The following CATSPERE variants were observed in gnomAD, a reference collection of about 807,000 sequenced individuals.
CATSPERE encodes catsper channel auxiliary subunit epsilon.
In CATSPERE, 93 loss-of-function variants were observed where a neutral mutation model predicts 114.1. The ratio of observed to expected loss-of-function variants is 0.81; its 90% CI spans 0.69 to 0.97. The LOEUF is 0.97. Among genes scored for constraint, CATSPERE ranks in the 50% least tolerant of loss-of-function variants. The pLI, the probability that CATSPERE is intolerant of heterozygous loss-of-function variation, is 0.00. For synonymous variants in CATSPERE, 341 were observed against 384.1 expected (o/e 0.89, Z 1.31); for missense variants, 1,058 against 1,131.6 (o/e 0.93, Z 0.93).
At position 244,640,156 on chromosome 1, in the gene CATSPERE, T is replaced by C. The variant is rs1412700132; in HGVS notation, c.*75T>C. ...GTATTACATAGTGATATTGAGAGTG[T>C]GTGTTTGACCAAGAAATACTAAATA... is the stretch of plus-strand genomic sequence containing the variant. On this transcript the variant is annotated 3_prime_UTR_variant, in exon 22 of 22. Coordinates refer to ENST00000366534, the MANE Select transcript of CATSPERE (RefSeq NM_001130957.2). The C allele has an allele frequency of 8.4e-7, 1 of 1,196,894 alleles. No individual in the cohort carries two copies. The highest frequency in any genetic ancestry group is 1.2e-6 in the Non-Finnish European group (1 of 865,356). The allele number at this position is 1,196,894 out of a possible 1,614,324, so 74.1% of individuals were successfully genotyped here. A position where few individuals can be genotyped will look rare whatever the true frequency, so the allele number is the denominator to read the frequency against.
intron 2 of CATSPERE, among the ~76,000 whole-genome samples, chr1:244,477,248 G>A (rs1201313402): frequency 1.3e-5 from 2 of 152,096 alleles, no homozygotes; most frequent in East Asian, 1.9e-4. Context: ...CACCTGCGTC[G>A]GCCTCCCAAA....
intron 6 of CATSPERE, among the ~76,000 whole-genome samples, chr1:244,491,674 C>A (rs1453874204): frequency 6.6e-6 from 1 of 151,744 alleles, no homozygotes; most frequent in Admixed American, 6.6e-5. Flanking sequence ...TTGAAAAGAC[C>A]AACAAAATCG....
intron 7 of CATSPERE, among the ~76,000 whole-genome samples, chr1:244,510,844 T>C (rs1325769301): frequency 3.6e-4 from 47 of 130,884 alleles, no homozygotes; most frequent in Non-Finnish European, 2.2e-4. Context: ...TCTTTTTTTT[T>C]TTTTTTTTTT....
chr1:244,502,067 GCCATAACCGA>G (rs1674122726), intron 7 of CATSPERE, among the ~76,000 whole-genome samples: 2 of 151,956 alleles, frequency 1.3e-5, no homozygotes, highest in African/African-American at 4.8e-5. Flanking sequence ...CAAGATATCT[GCCATAACCGA>G]ATCAGGGCTT....
chr1:244,563,600 TG>T (rs1416800806), intron 10 of CATSPERE, among the ~76,000 whole-genome samples: 1 of 152,220 alleles, frequency 6.6e-6, no homozygotes, highest in African/African-American at 2.4e-5. Flanking sequence ...ACCCACTTTT[TG>T]ATGGGGTTAT....
rs1035785488 is a variant in CATSPERE at position 244,504,195 on chromosome 1, G to A, written c.429+5116G>A. Among the ~76,000 whole-genome samples the A allele has an allele frequency of 2.0e-5, 3 of 152,164 alleles. No individual in the cohort carries two copies. The highest frequency in any genetic ancestry group is 4.8e-5 in the African/African-American group (2 of 41,436). ...GCTATTTATCTGCACTTGAAATACT[G>A]ATGGCAATACCATGTTCCTTTTATT... On this transcript the variant is annotated intron_variant, in intron 7 of 21. Coordinates refer to ENST00000366534, the MANE Select transcript of CATSPERE (RefSeq NM_001130957.2). The surrounding 1 kb of genome is among the most constrained non-coding windows in gnomAD (Gnocchi z 4.1).
rs1395942415 is a variant in CATSPERE, at chr1:244,575,680, C to T, written c.1950+2908C>T. ...TCTCTCTAACTTCCTCTCCTAGTTT[C>T]TCTTTCCTCTCTGCTGGTCTTTCCC... On this transcript the variant is annotated intron_variant, in intron 11 of 21. Transcript: ENST00000366534. This position sits in a 1 kb window ranked among gnomAD's most constrained non-coding sequence, Gnocchi z 4.5. 1.3e-5 allele frequency among the ~76,000 whole-genome samples: 2 copies of T among 152,124 alleles called. No homozygotes were observed. Among genetic ancestry groups the T allele is most frequent in the African/African-American group, 4.8e-5 (2 of 41,436 alleles).
At chr1:244,556,748 C>A (rs1052571712) in intron 9 of CATSPERE, among the ~76,000 whole-genome samples, 1 of 152,082 alleles carries the variant, frequency 6.6e-6, no homozygotes, top group Non-Finnish European at 1.5e-5. Context: ...TTTATACCTT[C>A]TTTTTTCCTT....
In CATSPERE at chr1:244,504,104, A is replaced by G. The variant is rs574248657; in HGVS notation, c.429+5025A>G. 1.3e-5 allele frequency among the ~76,000 whole-genome samples: 2 copies of G among 152,276 alleles called. No individual in the cohort carries two copies. Among genetic ancestry groups the G allele is most frequent in the Non-Finnish European group, 2.9e-5 (2 of 68,018 alleles). On this transcript the variant is annotated intron_variant, in intron 7 of 21. Transcript: ENST00000366534. The surrounding 1 kb of genome is among the most constrained non-coding windows in gnomAD (Gnocchi z 4.1). Reference sequence around the variant, plus strand: ...GTAACCATAGTAGAATGTAAAACCAATGTGGGACAGTTAAATATTCCTCTG... The same window carrying G: ...GTAACCATAGTAGAATGTAAAACCAGTGTGGGACAGTTAAATATTCCTCTG...
At chr1:244,621,076 T>G (rs1672099986) in intron 20 of CATSPERE, among the ~76,000 whole-genome samples, 1 of 69,664 alleles carries the variant, frequency 1.4e-5, no homozygotes, top group African/African-American at 5.7e-5. Flanking sequence ...ATATAAAATA[T>G]ATATATAAAT....
intron 8 of CATSPERE, among the ~76,000 whole-genome samples, chr1:244,529,885 G>T (rs1457254818): frequency 1.3e-5 from 2 of 151,908 alleles, no homozygotes; most frequent in Non-Finnish European, 2.9e-5. Context: ...CTTGTTTTTT[G>T]TATATGGCAA....
chr1:244,602,815 C>T (rs1443868092), intron 17 of CATSPERE, among the ~76,000 whole-genome samples: 2 of 152,108 alleles, frequency 1.3e-5, no homozygotes, highest in South Asian at 2.1e-4. Flanking sequence ...TAGTCAGGTA[C>T]GGTAAGATAT....
chr1:244,463,753 A>G (rs1297511495), intron 1 of CATSPERE, among the ~76,000 whole-genome samples, 155 bp from the exon 2 acceptor site: 1 of 152,114 alleles, frequency 6.6e-6, no homozygotes, highest in Non-Finnish European at 1.5e-5. Flanking sequence ...GGTCACTGAT[A>G]GCCCCAATTT....
At chr1:244,602,971 G>C (rs1669478079) in intron 17 of CATSPERE, among the ~76,000 whole-genome samples, 1 of 152,136 alleles carries the variant, frequency 6.6e-6, no homozygotes, top group Non-Finnish European at 1.5e-5. Context: ...AATGTGGGCA[G>C]AGCCTTATTG....
At chr1:244,522,313 T>A (rs1270640138) in intron 8 of CATSPERE, among the ~76,000 whole-genome samples, 1 of 152,078 alleles carries the variant, frequency 6.6e-6, no homozygotes, top group Non-Finnish European at 1.5e-5. Context: ...ACATACCAAA[T>A]CTCTGGGATG....
At chr1:244,585,729 G>A (rs1012857683) in intron 13 of CATSPERE, among the ~76,000 whole-genome samples, 1 of 152,230 alleles carries the variant, frequency 6.6e-6, no homozygotes, top group Non-Finnish European at 1.5e-5. Context: ...AAGGGACATG[G>A]ACTGCACTAT....
At chr1:244,532,460 C>G (rs182968820) in intron 8 of CATSPERE, among the ~76,000 whole-genome samples, 19 of 152,182 alleles carry the variant, frequency 1.2e-4, no homozygotes, top group Middle Eastern at 3.4e-3. Context: ...ATAAACTTCT[C>G]TCAGTACTGC....
intron 20 of CATSPERE, among the ~76,000 whole-genome samples, chr1:244,625,244 T>C (rs1300209877): frequency 1.3e-5 from 2 of 151,142 alleles, no homozygotes; most frequent in African/African-American, 4.9e-5. Flanking sequence ...GAATGAATAT[T>C]GTGTTAGTAG....
Position 244,561,452 on chromosome 1 carries a change from A to G in CATSPERE, c.1507+307A>G, listed in dbSNP as rs944306192. On this transcript the variant is annotated intron_variant, in intron 10 of 21. Transcript: ENST00000366534. ...GTAGGAGGTGCTGTGGTATTGTGTT[A>G]CGTTTCCTGGGGCTCCCGTAACAAA... 1.3e-5 allele frequency among the ~76,000 whole-genome samples: 2 copies of G among 152,124 alleles called. 1 individual carries two copies. The highest frequency in any genetic ancestry group is 2.9e-5 in the Non-Finnish European group (2 of 68,014).
Sources: gnomAD v4.1 joint callset for allele counts (sites outside exome capture counted in the v4.1 genomes callset) on GRCh38, gnomAD v4.1.1 for gene constraint, Gnocchi (gnomAD v3.1) non-coding constraint, MANE v1.5 for transcripts, NCBI Gene and HGNC (gene_info 2026-07-23, HGNC 2026-07-21) for gene names.